Variants in RIN3 observed in about 807,000 individuals in gnomAD.
RIN3 encodes RAB5 interacting protein 3.
Under a neutral mutation model 76.3 loss-of-function variants are expected in RIN3, and 54 were observed. That is an observed-to-expected ratio of 0.71 (90% CI 0.57 to 0.89). RIN3 has a LOEUF of 0.89. RIN3 is among the 40% of genes least tolerant of loss of function. RIN3 has a pLI of 0.00. For missense variants in RIN3, 1,256 were observed against 1,322.1 expected, an observed-to-expected ratio of 0.95 and a Z score of 0.78; for synonymous variants, 576 against 564.0, an observed-to-expected ratio of 1.02 and a Z score of -0.30.
At chr14:92,574,689 C>T (rs1273661003) in intron 2 of RIN3, among the ~76,000 whole-genome samples, 1 of 152,150 alleles carries the variant, frequency 6.6e-6, no homozygotes, top group Non-Finnish European at 1.5e-5. Context: ...CCTTCCATCG[C>T]CCCCTATTGC....
chr14:92,532,991 G>A (rs1039627152), intron 1 of RIN3, among the ~76,000 whole-genome samples: 4 of 152,150 alleles, frequency 2.6e-5, no homozygotes, highest in African/African-American at 4.8e-5. Flanking sequence ...AGGAGGGGCC[G>A]GCAAACACTG....
chr14:92,688,104 A>G lies in RIN3; in HGVS notation c.2810A>G (p.Asp937Gly), dbSNP rs776257375. ...GGGCGCTGCTTCCAGCTGGCGGACG[A>G]CGCGCTGCCGCACTGCATCAAGGGC... ...VDGRCFQLAD[D>G]ALPHCIKGYL... Residue 937 changes from aspartate (D) to glycine (G), a missense_variant, in exon 10 of 10, where the codon GAC (aspartate) becomes GGC (glycine). Asp to Gly is a moderately conservative substitution (Grantham distance 94). This residue lies in a region of RIN3 where 218 missense variants were observed against 174.5 expected (regional missense o/e 1.25). Transcript: ENST00000216487. 2 of 1,607,846 alleles carry G rather than the reference A, an allele frequency of 1.2e-6. No individual in the cohort carries two copies. Among genetic ancestry groups the G allele is most frequent in the Admixed American group, 3.3e-5 (2 of 59,716 alleles).
At chr14:92,577,207 G>A in intron 2 of RIN3, 153 bp from the exon 3 acceptor site, 1 of 588,138 alleles carries the variant, frequency 1.7e-6, no homozygotes, top group Non-Finnish European at 3.1e-6. Flanking sequence ...GGCTCTTGGG[G>A]CAGAACCCCC....
intron 1 of RIN3, among the ~76,000 whole-genome samples, chr14:92,530,159 C>T (rs1477711674): frequency 6.6e-6 from 1 of 152,216 alleles, no homozygotes; most frequent in Non-Finnish European, 1.5e-5. Flanking sequence ...ACTGTGCACA[C>T]TTCTACCATC....
chr14:92,546,461 T>C (rs1897268313), intron 1 of RIN3, among the ~76,000 whole-genome samples: 2 of 152,238 alleles, frequency 1.3e-5, no homozygotes, highest in South Asian at 4.1e-4. Context: ...ATTTCCTGCC[T>C]TTTAACAGCT....
At chr14:92,603,923 C>T (rs991506248) in intron 3 of RIN3, among the ~76,000 whole-genome samples, 2 of 152,254 alleles carry the variant, frequency 1.3e-5, no homozygotes, top group African/African-American at 4.8e-5. Flanking sequence ...AAAGCAATTT[C>T]CATCTGTTTC....
chr14:92,631,253 G>A (rs1886569914), intron 4 of RIN3, among the ~76,000 whole-genome samples: 1 of 152,148 alleles, frequency 6.6e-6, no homozygotes, highest in Admixed American at 6.5e-5. Context: ...CCTGTTCCTG[G>A]AGCTTATTCC....
chr14:92,661,305 T>A (rs1429502284), intron 7 of RIN3, among the ~76,000 whole-genome samples: 1 of 152,212 alleles, frequency 6.6e-6, no homozygotes, highest in African/African-American at 2.4e-5. Flanking sequence ...TGGGTATGAT[T>A]GGGGTATGGT....
At chr14:92,524,978 C>T (rs575608144) in intron 1 of RIN3, among the ~76,000 whole-genome samples, 1 of 152,238 alleles carries the variant, frequency 6.6e-6, no homozygotes, top group African/African-American at 2.4e-5. Flanking sequence ...CCCACCTCTA[C>T]CTCTTGCAAG....
At chr14:92,524,771 G>T (rs141892304) in intron 1 of RIN3, among the ~76,000 whole-genome samples, 72 of 152,320 alleles carry the variant, frequency 4.7e-4, no homozygotes, top group African/African-American at 1.2e-3. Context: ...GAGGGGAAGT[G>T]GTTTCCCCAG....
intron 3 of RIN3, among the ~76,000 whole-genome samples, chr14:92,601,880 G>C (rs1885358297): frequency 6.6e-6 from 1 of 152,180 alleles, no homozygotes; most frequent in South Asian, 2.1e-4. Flanking sequence ...CCTATAAATA[G>C]CTCCCAGACA....
At chr14:92,622,223 T>C (rs1293803292) in intron 4 of RIN3, among the ~76,000 whole-genome samples, 1 of 152,076 alleles carries the variant, frequency 6.6e-6, no homozygotes, top group African/African-American at 2.4e-5. Context: ...AGCATCCACT[T>C]TGGGGAGGTT....
intron 4 of RIN3, among the ~76,000 whole-genome samples, chr14:92,637,022 T>A (rs1375700873): frequency 2.0e-5 from 3 of 152,122 alleles, no homozygotes; most frequent in African/African-American, 7.2e-5. Context: ...TCCCCAACCT[T>A]TTTGGCACCA....
At chr14:92,540,868 G>A (rs948816211) in intron 1 of RIN3, among the ~76,000 whole-genome samples, 1 of 152,222 alleles carries the variant, frequency 6.6e-6, no homozygotes, top group African/African-American at 2.4e-5. Flanking sequence ...TTAGTCCTTG[G>A]TCCGATCCAT....
At chr14:92,581,599 C>G (rs1254824421) in intron 3 of RIN3, among the ~76,000 whole-genome samples, 1 of 152,138 alleles carries the variant, frequency 6.6e-6, no homozygotes, top group African/African-American at 2.4e-5. Context: ...GCGCCATACT[C>G]CTTCCCCACC....
chr14:92,551,245 T>A lies in RIN3; in HGVS notation c.45-4506T>A, dbSNP rs571884499. Reference sequence around the variant, plus strand: ...TGCATTTGGCTTCCTTGACTCAGCATAATGCTTCTGAGATTCGTTCATGTG... The same window carrying A: ...TGCATTTGGCTTCCTTGACTCAGCAAAATGCTTCTGAGATTCGTTCATGTG... On this transcript the variant is annotated intron_variant, in intron 1 of 9. Transcript: ENST00000216487. Among the ~76,000 whole-genome samples the A allele has an allele frequency of 5.9e-5, 9 of 152,352 alleles. No individual in the cohort carries two copies. In the South Asian group the frequency reaches 1.7e-3, roughly 28 times the overall value.
In RIN3 at chr14:92,623,514, A is replaced by G. The variant is rs978207540; in HGVS notation, c.440+8035A>G. On this transcript the variant is annotated intron_variant, in intron 4 of 9. Coordinates refer to ENST00000216487, the MANE Select transcript of RIN3 (RefSeq NM_024832.5). The surrounding 1 kb of genome is among the most constrained non-coding windows in gnomAD (Gnocchi z 4.9). ...GCAGCTACTGGGTCTCGGGCTTTGA[A>G]TCTATCAGGTACCCCCTGTGGGACT... Among the ~76,000 whole-genome samples, 3 of 152,184 alleles carry G rather than the reference A, an allele frequency of 2.0e-5. No individual in the cohort carries two copies. Among genetic ancestry groups the G allele is most frequent in the South Asian group, 2.1e-4 (1 of 4,830 alleles).
At chr14:92,593,396 C>T (rs1885050496) in intron 3 of RIN3, among the ~76,000 whole-genome samples, 2 of 152,056 alleles carry the variant, frequency 1.3e-5, no homozygotes, top group South Asian at 4.1e-4. Flanking sequence ...GATCAAGAAA[C>T]AAGACCCACT....
chr14:92,616,106 C>T (rs1885953393), intron 4 of RIN3: 2 of 152,306 alleles, frequency 1.3e-5, no homozygotes, highest in South Asian at 4.1e-4. Context: ...CAACCTAGAG[C>T]ACCCCCTCCC....
Sources: gnomAD v4.1 joint callset for allele counts (sites outside exome capture counted in the v4.1 genomes callset) on GRCh38, gnomAD v4.1.1 for gene constraint, gnomAD v4.1.1 regional missense constraint, Gnocchi (gnomAD v3.1) non-coding constraint, MANE v1.5 for transcripts, NCBI Gene and HGNC (gene_info 2026-07-23, HGNC 2026-07-21) for gene names.